Variants in HACD2 observed in about 807,000 individuals in gnomAD.
HACD2 encodes the protein 3-hydroxyacyl-CoA dehydratase 2, also known as very-long-chain (3R)-3-hydroxyacyl-CoA dehydratase 2.
Under a neutral mutation model 31.0 loss-of-function variants are expected in HACD2, and 15 were observed. That is an observed-to-expected ratio of 0.48 (90% CI 0.32 to 0.75). The LOEUF (loss-of-function observed/expected upper bound fraction) is 0.75, where lower values mean the gene tolerates loss of function less well. HACD2 is among the 30% of genes least tolerant of loss of function. The probability of loss-of-function intolerance (pLI) is 0.03; values close to 1 mark genes in which losing one functional copy is unlikely to be tolerated. For missense variants in HACD2, 283 were observed against 313.0 expected, an observed-to-expected ratio of 0.90 and a Z score of 0.72; for synonymous variants, 115 against 122.2, an observed-to-expected ratio of 0.94 and a Z score of 0.39.
At position 123,509,094 on chromosome 3, in the gene HACD2, C is replaced by T. The variant is rs117380051; in HGVS notation, c.382-6413G>A. Among the ~76,000 whole-genome samples, 111 of 152,236 alleles carry T rather than the reference C, an allele frequency of 7.3e-4. 1 individual carries two copies. In the East Asian group the frequency reaches 0.02, roughly 27 times the overall value. ...TTGTGGGAGGAGACATAATTCAGTCCATAGCAATGCTATAGACTAGGTGTT... is the reference window on the plus strand; with the variant it reads ...TTGTGGGAGGAGACATAATTCAGTCTATAGCAATGCTATAGACTAGGTGTT... On this transcript the variant is annotated intron_variant, in intron 4 of 6. Coordinates refer to ENST00000383657, the MANE Select transcript of HACD2 (RefSeq NM_198402.5).
At chr3:123,537,003 T>A (rs901201431) in intron 3 of HACD2, among the ~76,000 whole-genome samples, 1 of 152,180 alleles carries the variant, frequency 6.6e-6, no homozygotes, top group African/African-American at 2.4e-5. Context: ...GGAGAAGTCA[T>A]AATAAAAATG....
At chr3:123,529,542 T>C (rs1225566234) in intron 3 of HACD2, among the ~76,000 whole-genome samples, 7 of 152,128 alleles carry the variant, frequency 4.6e-5, no homozygotes, top group Non-Finnish European at 1.0e-4. Context: ...CTGCACAACA[T>C]AGCGAGACCT....
Position 123,563,636 on chromosome 3 carries a change from AATAT to A in HACD2, c.292+4122_292+4125del, listed in dbSNP as rs199584661. Among the ~76,000 whole-genome samples the A allele has an allele frequency of 1.1e-4, 10 of 90,868 alleles. No individual in the cohort carries two copies. In the East Asian group the frequency reaches 2.1e-3, roughly 19 times the overall value. 59.6% of individuals were successfully genotyped at this position (90,868 alleles called of 152,430 possible). Reference sequence around the variant, plus strand: ...TTCTTCTTTTTTGAATTGACAAAAAAATATATATACACACACACACACACACACA... The same window carrying A: ...TTCTTCTTTTTTGAATTGACAAAAAAATATACACACACACACACACACACA... On this transcript the variant is annotated intron_variant, in intron 3 of 6. Transcript: ENST00000383657.
intron 4 of HACD2, among the ~76,000 whole-genome samples, chr3:123,506,563 G>A (rs1026734809): frequency 1.3e-5 from 2 of 152,080 alleles, no homozygotes; most frequent in African/African-American, 4.8e-5. Context: ...AAGAGTAGCT[G>A]GGACTACAGG....
chr3:123,501,438 C>T (rs1263813292), intron 5 of HACD2, among the ~76,000 whole-genome samples: 1 of 152,206 alleles, frequency 6.6e-6, no homozygotes, highest in African/African-American at 2.4e-5. Context: ...ATCATCAGCT[C>T]AGACTTTAAA....
At chr3:123,567,826 GATATTAA>G in intron 2 of HACD2, 46 bp from the exon 3 acceptor site, 1 of 1,307,392 alleles carries the variant, frequency 7.6e-7, no homozygotes, top group East Asian at 2.5e-5. Context: ...TAAGAATCAA[GATATTAA>G]AGTTTTATTT....
At chr3:123,508,878 G>A (rs913442280) in intron 4 of HACD2, among the ~76,000 whole-genome samples, 2 of 152,160 alleles carry the variant, frequency 1.3e-5, no homozygotes, top group African/African-American at 4.8e-5. Context: ...TTTCTGGTGA[G>A]GGGTCTTTTC....
intron 3 of HACD2, among the ~76,000 whole-genome samples, chr3:123,563,893 C>CATTATT (rs1203658460): frequency 2.0e-5 from 3 of 152,022 alleles, no homozygotes; most frequent in Non-Finnish European, 4.4e-5. Context: ...AATGGTGGCT[C>CATTATT]ATTATTATTA....
intron 3 of HACD2, among the ~76,000 whole-genome samples, chr3:123,558,645 G>A (rs1291993583): frequency 6.6e-6 from 1 of 152,110 alleles, no homozygotes; most frequent in Admixed American, 6.6e-5. Context: ...CCTCTCCCAA[G>A]AAAAGGAAAC....
At chr3:123,517,482 A>G (rs985456687) in intron 4 of HACD2, among the ~76,000 whole-genome samples, 8 of 152,190 alleles carry the variant, frequency 5.3e-5, no homozygotes, top group African/African-American at 1.9e-4. Flanking sequence ...ATATATATCT[A>G]ATCCAGTCTA....
intron 4 of HACD2, among the ~76,000 whole-genome samples, chr3:123,517,789 C>G (rs1200028999): frequency 1.3e-5 from 2 of 152,100 alleles, no homozygotes; most frequent in African/African-American, 4.8e-5. Flanking sequence ...GCAAAAATTT[C>G]AAAAGGTGGG....
chr3:123,536,588 GA>G (rs929030333), intron 3 of HACD2, among the ~76,000 whole-genome samples: 1 of 152,120 alleles, frequency 6.6e-6, no homozygotes, highest in African/African-American at 2.4e-5. Context: ...AACCTGAAAT[GA>G]AAAAACTAAA....
rs775180123 is a variant in HACD2 at position 123,494,669 on chromosome 3, C to A, written c.*219G>T. The A allele has an allele frequency of 3.6e-6, 2 of 554,138 alleles. No homozygotes were observed. Among genetic ancestry groups the A allele is most frequent in the Non-Finnish European group, 3.2e-6 (1 of 316,582 alleles). The allele number at this position is 554,138 out of a possible 1,614,324, so 34.3% of individuals were successfully genotyped here. A position where few individuals can be genotyped will look rare whatever the true frequency, so the allele number is the denominator to read the frequency against. ...TATTAAGAACTTCTGGTTGAAAGAG[C>A]ATGCTGAAATGAACTGGCCAGGGTG... On this transcript the variant is annotated 3_prime_UTR_variant, in exon 7 of 7. Transcript: ENST00000383657.
At chr3:123,543,052 A>T (rs1229043875) in intron 3 of HACD2, among the ~76,000 whole-genome samples, 2 of 152,208 alleles carry the variant, frequency 1.3e-5, no homozygotes, top group African/African-American at 4.8e-5. Context: ...CTGAGTTGGG[A>T]ATATTACATT....
At chr3:123,507,958 C>T (rs777959201) in intron 4 of HACD2, among the ~76,000 whole-genome samples, 8 of 151,028 alleles carry the variant, frequency 5.3e-5, no homozygotes, top group Non-Finnish European at 1.0e-4. Flanking sequence ...GCCAGGAGTT[C>T]GAGACTAGCC....
At chr3:123,521,380 A>G (rs1439273237) in intron 4 of HACD2, among the ~76,000 whole-genome samples, 1 of 152,108 alleles carries the variant, frequency 6.6e-6, no homozygotes, top group African/African-American at 2.4e-5. Flanking sequence ...GGAATGGGGT[A>G]GGCTAGGGCA....
At chr3:123,568,804 T>C (rs774768132) in intron 2 of HACD2, among the ~76,000 whole-genome samples, 2 of 152,230 alleles carry the variant, frequency 1.3e-5, no homozygotes, top group East Asian at 1.9e-4. Context: ...GCAGTCTTTA[T>C]ATTGTTTGAT....
At position 123,585,038 on chromosome 3, in the gene HACD2, C is replaced by T. The variant is rs1356870098; in HGVS notation, c.-11G>A. 6 of 1,472,968 alleles carry T rather than the reference C, an allele frequency of 4.1e-6. No individual in the cohort carries two copies. Among genetic ancestry groups the T allele is most frequent in the South Asian group, 1.3e-5 (1 of 74,740 alleles). 91.2% of individuals were successfully genotyped at this position (1,472,968 alleles called of 1,614,324 possible). ...CGCCACTGCCGCCATGTCAAGTGCC[C>T]GAAGCCCGCTCTCCTAGCGCGAGCG... is the stretch of plus-strand genomic sequence containing the variant. On this transcript the variant is annotated 5_prime_UTR_variant, in exon 1 of 7. Coordinates refer to ENST00000383657, the MANE Select transcript of HACD2 (RefSeq NM_198402.5).
In HACD2 at chr3:123,528,457, C is replaced by G. The variant is rs1576752803; in HGVS notation, c.310G>C (p.Val104Leu). The change falls in exon 4 of 7, where the codon GTT becomes CTT. Residue 104 changes from valine (V) to leucine (L), a missense_variant. Around this residue, in one of 3 missense-constraint regions of HACD2, gnomAD observed 158 missense variants for 148.3 expected, o/e 1.07. Coordinates refer to ENST00000383657, the MANE Select transcript of HACD2 (RefSeq NM_198402.5). The stretch of plus-strand genomic sequence containing the variant: ...ATCACCTGGAAAGAAGTCAGGACAA[C>G]AGAAGATGGAACAATTCCTGAAAGA... The part of the protein sequence containing the change: ...HCAIGIVPSS[V>L]VLTSFQVMSR... The G allele has an allele frequency of 6.2e-7, 1 of 1,610,874 alleles. No homozygotes were observed. Among genetic ancestry groups the G allele is most frequent in the African/African-American group, 1.3e-5 (1 of 74,856 alleles).
Sources: gnomAD v4.1 joint callset for allele counts (sites outside exome capture counted in the v4.1 genomes callset) on GRCh38, gnomAD v4.1.1 for gene constraint, gnomAD v4.1.1 regional missense constraint, MANE v1.5 for transcripts, NCBI Gene and HGNC (gene_info 2026-07-23, HGNC 2026-07-21) for gene names.